The following OS9 variants were observed in gnomAD, a reference collection of about 807,000 sequenced individuals.
OS9 encodes protein OS-9.
In OS9, 58 loss-of-function variants were observed where a neutral mutation model predicts 84.7. The ratio of observed to expected loss-of-function variants is 0.68; its 90% CI spans 0.55 to 0.85. The LOEUF (loss-of-function observed/expected upper bound fraction) is 0.85, where lower values mean the gene tolerates loss of function less well. Ranked by LOEUF, OS9 falls within the 40% of genes least tolerant of loss-of-function variation. OS9 has a pLI of 0.00. For synonymous variants in OS9, 278 were observed against 320.8 expected (o/e 0.87, Z 1.43); for missense variants, 760 against 850.9 (o/e 0.89, Z 1.33).
intron 5 of OS9, among the ~76,000 whole-genome samples, chr12:57,701,917 C>T (rs1954038620): frequency 6.6e-6 from 1 of 152,102 alleles, no homozygotes; most frequent in South Asian, 2.1e-4. Context: ...CTGCCTCAGC[C>T]TCCTGAGTAG....
At chr12:57,716,797 G>C in intron 9 of OS9, 53 bp downstream of exon 9, 2 of 1,530,388 alleles carry the variant, frequency 1.3e-6, no homozygotes, top group Non-Finnish European at 1.8e-6. Context: ...GATTGGCAGG[G>C]GTAGGGATGG....
intron 2 of OS9, 41 bp from the exon 3 acceptor site, chr12:57,695,739 C>T (rs1414210816): frequency 2.3e-6 from 3 of 1,321,666 alleles, no homozygotes; most frequent in Non-Finnish European, 3.3e-6. Context: ...GAAAAGATGT[C>T]TGCACTCCAT....
intron 9 of OS9, 125 bp downstream of exon 9, chr12:57,716,869 T>C: frequency 1.3e-6 from 1 of 778,908 alleles, no homozygotes; most frequent in Non-Finnish European, 2.2e-6. Context: ...TTCATTTTTA[T>C]AGGAGTTAAT....
At position 57,717,977 on chromosome 12, in the gene OS9, G is replaced by T; in HGVS notation, c.1134+19G>T. The stretch of plus-strand genomic sequence containing the variant: ...AAAAAAGGTATAGGCCGTGCTTAGG[G>T]AATGGGTAGAACCCACCTCCCAACT... On this transcript the variant is annotated intron_variant, in intron 10 of 14. Coordinates refer to ENST00000315970, the MANE Select transcript of OS9 (RefSeq NM_006812.4). The T allele has an allele frequency of 6.3e-7, 1 of 1,592,684 alleles. No homozygotes were observed. Among genetic ancestry groups the T allele is most frequent in the Middle Eastern group, 1.7e-4 (1 of 5,968 alleles).
chr12:57,707,150 C>CT (rs1176986656), intron 5 of OS9, among the ~76,000 whole-genome samples: 3 of 151,950 alleles, frequency 2.0e-5, no homozygotes, highest in African/African-American at 7.3e-5. Context: ...TGCCTTTTCT[C>CT]TTTTTTCTTG....
intron 5 of OS9, among the ~76,000 whole-genome samples, chr12:57,702,493 T>C (rs1027157442): frequency 1.3e-5 from 2 of 152,250 alleles, no homozygotes; most frequent in African/African-American, 4.8e-5. Flanking sequence ...GATGGACAAA[T>C]AGGTTTTCAT....
chr12:57,709,859 T>G (rs1954276184), intron 5 of OS9, among the ~76,000 whole-genome samples: 1 of 151,668 alleles, frequency 6.6e-6, no homozygotes, highest in Non-Finnish European at 1.5e-5. Flanking sequence ...TTTTTGTTAT[T>G]ACTTTTTTTT....
rs770733178 is a variant in OS9, at chr12:57,720,179, G to A, written c.1681G>A (p.Glu561Lys). Reference sequence around the variant, plus strand: ...CCCTAATCAGGATCTGACTGTCCTCGAGATGAAACGGGAAAACCCACAGCT... The same window carrying A: ...CCCTAATCAGGATCTGACTGTCCTCAAGATGAAACGGGAAAACCCACAGCT... ...GGPNQDLTVL[E>K]MKRENPQLKQ... is the part of the protein sequence containing the mutation. The change falls in exon 13 of 15, where the codon GAG (glutamate) becomes AAG (lysine). Residue 561 changes from glutamate (E) to lysine (K), a missense_variant. By Grantham distance (56) the Glu-to-Lys change is moderately conservative. Coordinates refer to ENST00000315970, the MANE Select transcript of OS9 (RefSeq NM_006812.4). 14 of 1,614,070 alleles carry A rather than the reference G, an allele frequency of 8.7e-6. No individual in the cohort carries two copies. Among genetic ancestry groups the A allele is most frequent in the Admixed American group, 1.7e-5 (1 of 60,008 alleles).
chr12:57,708,303 T>C (rs545045083), intron 5 of OS9, among the ~76,000 whole-genome samples: 1 of 151,876 alleles, frequency 6.6e-6, no homozygotes, highest in South Asian at 2.1e-4. Context: ...TATAAGCATA[T>C]ATCTTTGCAC....
chr12:57,720,665 G>C, intron 14 of OS9, 119 bp from the exon 15 acceptor site: 13 of 1,348,990 alleles, frequency 9.6e-6, no homozygotes, highest in Non-Finnish European at 1.3e-5. Context: ...CTGCCATGCA[G>C]GAAGAGCCCC....
chr12:57,694,562 C>T (rs1431484366), intron 1 of OS9, 188 bp from the exon 2 acceptor site: 3 of 707,282 alleles, frequency 4.2e-6, no homozygotes, highest in African/African-American at 3.6e-5. Flanking sequence ...ATCGAAACAC[C>T]CGGACTCCGC....
At chr12:57,720,378 C>CCT in intron 13 of OS9, 28 bp from the exon 14 acceptor site, 1 of 1,599,834 alleles carries the variant, frequency 6.3e-7, no homozygotes. Context: ...ACCATCCTCT[C>CCT]CTCTCACTGC....
At chr12:57,717,998 C>T in intron 10 of OS9, 40 bp downstream of exon 10, 1 of 1,561,368 alleles carries the variant, frequency 6.4e-7, no homozygotes, top group Non-Finnish European at 8.7e-7. Context: ...ACCCACCTCC[C>T]AACTGCGAGC....
intron 12 of OS9, 52 bp downstream of exon 12, chr12:57,719,234 C>T: frequency 6.6e-7 from 1 of 1,523,356 alleles, no homozygotes; most frequent in Non-Finnish European, 9.0e-7. Flanking sequence ...TTTCATCCCT[C>T]AGCTGGTTCT....
At chr12:57,713,798 T>C (rs2140324381) in intron 5 of OS9, among the ~76,000 whole-genome samples, 1 of 151,458 alleles carries the variant, frequency 6.6e-6, no homozygotes, top group African/African-American at 2.4e-5. Context: ...TGAGGGAGCA[T>C]GTCATGGTTC....
At chr12:57,705,968 T>A (rs1954154174) in intron 5 of OS9, among the ~76,000 whole-genome samples, 1 of 152,238 alleles carries the variant, frequency 6.6e-6, no homozygotes, top group Non-Finnish European at 1.5e-5. Context: ...GATAATTATG[T>A]CATCTGCAAG....
intron 5 of OS9, among the ~76,000 whole-genome samples, chr12:57,696,737 A>G (rs1361526117): frequency 1.3e-5 from 2 of 151,792 alleles, no homozygotes; most frequent in African/African-American, 4.8e-5. Flanking sequence ...CGGACGTTGC[A>G]GTGAGCCGAG....
chr12:57,713,742 A>C, intron 5 of OS9, among the ~76,000 whole-genome samples: 1 of 130,252 alleles, frequency 7.7e-6, no homozygotes, highest in Admixed American at 8.3e-5. Context: ...GCTGGAGTGG[A>C]GCTTTAGTCT....
chr12:57,721,008 A>C lies in OS9; in HGVS notation c.*99A>C. 1 of 1,368,236 alleles carries C rather than the reference A, an allele frequency of 7.3e-7. No homozygotes were observed. The highest frequency in any genetic ancestry group is 1.0e-6 in the Non-Finnish European group (1 of 972,918). 84.8% of individuals were successfully genotyped at this position (1,368,236 alleles called of 1,614,324 possible). On this transcript the variant is annotated 3_prime_UTR_variant, in exon 15 of 15. Coordinates refer to ENST00000315970, the MANE Select transcript of OS9 (RefSeq NM_006812.4). ...ACCCTGGAACCCCTGAGGGCCAAACAGCAGAGTGGAGCTGAGCTGTGGACC... is the reference window on the plus strand; with the variant it reads ...ACCCTGGAACCCCTGAGGGCCAAACCGCAGAGTGGAGCTGAGCTGTGGACC...
Sources: allele counts gnomAD v4.1 joint callset (sites outside exome capture counted in the v4.1 genomes callset), GRCh38; gene constraint gnomAD v4.1.1; transcripts MANE v1.5; gene names NCBI Gene and HGNC (gene_info 2026-07-23, HGNC 2026-07-21).